Variants in CFAP20DC observed in about 807,000 individuals in gnomAD.
CFAP20DC encodes CFAP20 domain containing.
A neutral mutation model predicts 101.7 loss-of-function variants in CFAP20DC; 84 were observed. That is an observed-to-expected ratio of 0.83 (90% confidence interval 0.69 to 0.99). The LOEUF is 0.99. Among genes scored for constraint, CFAP20DC ranks in the 50% least tolerant of loss-of-function variants. CFAP20DC has a pLI of 0.00. For synonymous variants in CFAP20DC, 359 were observed against 351.2 expected, an observed-to-expected ratio of 1.02 and a Z score of -0.25; for missense variants, 1,007 against 970.3, an observed-to-expected ratio of 1.04 and a Z score of -0.50.
chr3:58,755,258 T>A (rs2068857703), intron 15 of CFAP20DC, among the ~76,000 whole-genome samples: 1 of 152,172 alleles, frequency 6.6e-6, no homozygotes, highest in Admixed American at 6.6e-5. Context: ...GCTGTGTAAT[T>A]GAATTTCATA....
chr3:58,922,223 G>T (rs1192848029), intron 5 of CFAP20DC, among the ~76,000 whole-genome samples: 2 of 152,156 alleles, frequency 1.3e-5, no homozygotes, highest in Non-Finnish European at 2.9e-5. Flanking sequence ...TGAGTTGAAG[G>T]CTACCATCTT....
intron 4 of CFAP20DC, among the ~76,000 whole-genome samples, chr3:59,035,540 T>C (rs1209195827): frequency 2.0e-5 from 3 of 152,096 alleles, no homozygotes; most frequent in Admixed American, 2.0e-4. Flanking sequence ...AAAAACAAAC[T>C]ATCATCAGAG....
intron 4 of CFAP20DC, among the ~76,000 whole-genome samples, chr3:59,020,599 G>A (rs1352611412): frequency 6.6e-6 from 1 of 151,884 alleles, no homozygotes; most frequent in Non-Finnish European, 1.5e-5. Context: ...ACAATTATTG[G>A]CTATCTCCCT....
downstream of CFAP20DC, among the ~76,000 whole-genome samples, chr3:58,716,793 G>T (rs1266812682): frequency 4.6e-5 from 7 of 152,108 alleles, no homozygotes; most frequent in Non-Finnish European, 4.4e-5. Flanking sequence ...TCCTCCTCCT[G>T]TTCTGGGCCT....
At chr3:58,848,835 T>G (rs747318737) in intron 13 of CFAP20DC, among the ~76,000 whole-genome samples, 197 bp downstream of exon 13, 1 of 152,160 alleles carries the variant, frequency 6.6e-6, no homozygotes, top group Non-Finnish European at 1.5e-5. Context: ...CATGAGGTAT[T>G]CTATTATCCT....
chr3:58,870,364 T>C (rs2080057922), intron 7 of CFAP20DC, 55 bp from the exon 8 acceptor site: 2 of 1,550,360 alleles, frequency 1.3e-6, no homozygotes, highest in Non-Finnish European at 1.8e-6. Flanking sequence ...ATGACAAACA[T>C]CACACTGCAA....
intron 3 of CFAP20DC, among the ~76,000 whole-genome samples, chr3:58,730,292 AT>A: frequency 6.6e-6 from 1 of 152,360 alleles, no homozygotes; most frequent in East Asian, 1.9e-4. Flanking sequence ...AATTAACTTG[AT>A]TAATCATTCC....
chr3:58,878,709 G>C (rs1363227828), intron 7 of CFAP20DC, among the ~76,000 whole-genome samples: 1 of 152,142 alleles, frequency 6.6e-6, no homozygotes, highest in Non-Finnish European at 1.5e-5. Context: ...AAGGGAGTCA[G>C]TAATTAAGAA....
intron 15 of CFAP20DC, among the ~76,000 whole-genome samples, chr3:58,767,571 T>C (rs2070434585): frequency 6.6e-6 from 1 of 152,192 alleles, no homozygotes; most frequent in Admixed American, 6.5e-5. Context: ...GTTTAAAACT[T>C]TCTGTAGAGA....
At chr3:58,848,048 G>A (rs13094365) in intron 13 of CFAP20DC, among the ~76,000 whole-genome samples, 5 of 135,170 alleles carry the variant, frequency 3.7e-5, no homozygotes, top group African/African-American at 5.7e-5. Flanking sequence ...GGATAGCATC[G>A]GGAGATATAC....
At chr3:58,902,557 C>A (rs1348959766) in intron 6 of CFAP20DC, among the ~76,000 whole-genome samples, 2 of 152,134 alleles carry the variant, frequency 1.3e-5, no homozygotes, top group African/African-American at 2.4e-5. Flanking sequence ...TGTTTGTCTA[C>A]CATTTGGATA....
chr3:58,918,588 A>C (rs776147480), intron 5 of CFAP20DC, among the ~76,000 whole-genome samples: 10 of 152,084 alleles, frequency 6.6e-5, no homozygotes, highest in Admixed American at 6.6e-5. Flanking sequence ...TCACTTTTAA[A>C]ATTTTGAACT....
rs566298021 is a variant in CFAP20DC, at chr3:58,902,418, T to C, written c.550+11290A>G. ...CGATTTTATGTTCCTACCAGTAATG[T>C]ACAGGGGTTCCAATTTCTCTACATC... On this transcript the variant is annotated intron_variant, in intron 6 of 16. Transcript: ENST00000482387. Among the ~76,000 whole-genome samples, 76 of 152,308 alleles carry C rather than the reference T, an allele frequency of 5.0e-4. 1 individual carries two copies. Among genetic ancestry groups the C allele is most frequent in the African/African-American group, 1.8e-3 (74 of 41,586 alleles).
In CFAP20DC at chr3:58,794,763, A is replaced by G. The variant is rs1016406254; in HGVS notation, c.2237+11632T>C. Among the ~76,000 whole-genome samples, 11 of 152,172 alleles carry G rather than the reference A, an allele frequency of 7.2e-5. No homozygotes were observed. In the South Asian group the frequency reaches 1.9e-3, roughly 26 times the overall value. ...GGCACTGTTCTGAAGATGCCCACAC[A>G]CTGCCTAATGACATGCAGTGTGGAC... On this transcript the variant is annotated intron_variant, in intron 15 of 16. Coordinates refer to ENST00000482387, the MANE Select transcript of CFAP20DC (RefSeq NM_001394063.1).
intron 16 of CFAP20DC, among the ~76,000 whole-genome samples, chr3:58,747,690 CAGCCTT>C (rs1173528383): frequency 6.6e-6 from 1 of 151,280 alleles, no homozygotes; most frequent in Non-Finnish European, 1.5e-5. Flanking sequence ...TTGGAGCAGT[CAGCCTT>C]AGGATCAATG....
chr3:58,965,238 A>G (rs1396881344), intron 4 of CFAP20DC, among the ~76,000 whole-genome samples: 2 of 152,172 alleles, frequency 1.3e-5, no homozygotes, highest in Non-Finnish European at 2.9e-5. Flanking sequence ...AAATGGTGGG[A>G]ATGGGTTTCA....
chr3:58,851,449 TAC>T (rs1215938943), intron 12 of CFAP20DC, among the ~76,000 whole-genome samples: 9 of 152,198 alleles, frequency 5.9e-5, no homozygotes, highest in African/African-American at 2.2e-4. Flanking sequence ...TGCAGTCTCT[TAC>T]ACAGAGTATG....
intron 15 of CFAP20DC, among the ~76,000 whole-genome samples, chr3:58,754,831 G>A (rs917814592): frequency 1.4e-4 from 22 of 152,146 alleles, no homozygotes; most frequent in African/African-American, 5.1e-4. Flanking sequence ...GCATTGCTAA[G>A]ATTCATGTGT....
chr3:58,921,164 G>A (rs1373692392), intron 5 of CFAP20DC, among the ~76,000 whole-genome samples: 1 of 151,770 alleles, frequency 6.6e-6, no homozygotes. Context: ...AGTCTAGCTA[G>A]TGATTTATCA....
Sources: gnomAD v4.1 joint callset for allele counts (sites outside exome capture counted in the v4.1 genomes callset) on GRCh38, gnomAD v4.1.1 for gene constraint, MANE v1.5 for transcripts, NCBI Gene and HGNC (gene_info 2026-07-23, HGNC 2026-07-21) for gene names.